The following URGCP variants were observed in gnomAD, a reference collection of about 807,000 sequenced individuals.
URGCP encodes the protein upregulator of cell proliferation, also known as up-regulator of cell proliferation.
A neutral mutation model predicts 24.6 loss-of-function variants in URGCP; 13 were observed. That is an observed-to-expected ratio of 0.53 (90% CI 0.34 to 0.84). The LOEUF is 0.84. URGCP is among the 40% of genes least tolerant of loss of function. The probability of loss-of-function intolerance (pLI) is 0.01; values close to 1 mark genes in which losing one functional copy is unlikely to be tolerated. For synonymous variants in URGCP, 444 were observed against 487.2 expected, an observed-to-expected ratio of 0.91 and a Z score of 1.17; for missense variants, 899 against 1,194.3, an observed-to-expected ratio of 0.75 and a Z score of 3.64.
intron 1 of URGCP, among the ~76,000 whole-genome samples, chr7:43,912,892 C>T (rs2095911491): frequency 6.6e-6 from 1 of 151,896 alleles, no homozygotes; most frequent in Non-Finnish European, 1.5e-5. Context: ...ACTCTGTTGC[C>T]CAGGCTGGAA....
chr7:43,918,884 G>A (rs906494981), intron 1 of URGCP: 1 of 1,407,980 alleles, frequency 7.1e-7, no homozygotes, highest in East Asian at 2.3e-5. Flanking sequence ...ACATCCCCCG[G>A]GCTGTGCTGC....
chr7:43,920,075 G>T, intron 1 of URGCP: 1 of 1,258,230 alleles, frequency 7.9e-7, no homozygotes, highest in South Asian at 1.3e-5. Context: ...CTAGGACAGG[G>T]ACCCTCATCT....
At chr7:43,899,560 T>C (rs1163581579) in intron 1 of URGCP, among the ~76,000 whole-genome samples, 2 of 152,074 alleles carry the variant, frequency 1.3e-5, no homozygotes, top group Non-Finnish European at 2.9e-5. Flanking sequence ...GACAAAACTT[T>C]CCAGAAAATA....
intron 3 of URGCP, among the ~76,000 whole-genome samples, chr7:43,883,362 A>ATATATTTTTT (rs1554289259): frequency 4.5e-5 from 4 of 88,284 alleles, no homozygotes; most frequent in South Asian, 7.2e-4. Context: ...ATATATATAT[A>ATATATTTTTT]TTTTTTTTTT....
chr7:43,926,389 C>A, exon 1 of URGCP: 1 of 579,510 alleles, frequency 1.7e-6, no homozygotes, highest in Non-Finnish European at 2.4e-6. Flanking sequence ...ACGCTCGGCA[C>A]GCGGCGACGA....
intron 3 of URGCP, among the ~76,000 whole-genome samples, chr7:43,884,605 G>A (rs1041986309): frequency 6.6e-6 from 1 of 152,194 alleles, no homozygotes; most frequent in Non-Finnish European, 1.5e-5. Flanking sequence ...AACGCAGGAG[G>A]ATCACTTGAG....
In URGCP at chr7:43,887,438, C is replaced by G. The variant is rs1349276540; in HGVS notation, c.89G>C (p.Arg30Thr). Residue 30 changes from arginine to threonine, a missense_variant, in exon 3 of 6, where the codon AGA (arginine) becomes ACA (threonine). Coordinates refer to ENST00000453200, the MANE Select transcript of URGCP (RefSeq NM_001077663.3). ...EVAPEIKASE[R>T]RTAVAIADLE... ...ACCTGCAATGGCCACAGCTGTTCGT[C>G]TCTCTGATGCTTTTATTTCTGGGGC... The G allele has an allele frequency of 6.2e-7, 1 of 1,613,938 alleles. No homozygotes were observed. Among genetic ancestry groups the G allele is most frequent in the Non-Finnish European group, 8.5e-7 (1 of 1,179,850 alleles).
At chr7:43,915,416 T>C (rs115902113) in intron 1 of URGCP, among the ~76,000 whole-genome samples, 1 of 152,340 alleles carries the variant, frequency 6.6e-6, no homozygotes, top group African/African-American at 2.4e-5. Context: ...ACTGGGAATG[T>C]CAGCCTTGGT....
At chr7:43,904,321 T>C (rs1356696177) in intron 1 of URGCP, among the ~76,000 whole-genome samples, 2 of 152,238 alleles carry the variant, frequency 1.3e-5, no homozygotes, top group Admixed American at 6.5e-5. Flanking sequence ...ATGCCTGGCA[T>C]ATTCATAAGG....
At chr7:43,882,429 G>A (rs999149888) in intron 3 of URGCP, among the ~76,000 whole-genome samples, 4 of 152,106 alleles carry the variant, frequency 2.6e-5, no homozygotes, top group Admixed American at 1.3e-4. Flanking sequence ...CAGCCTGGGC[G>A]ACAGAGTGAG....
rs200196077 is a variant in URGCP, at chr7:43,878,965, G to C, written c.498C>G (p.Ala166=). Residue 166 remains alanine (A), a synonymous_variant, in exon 6 of 6, where the codon GCC becomes GCG. Transcript: ENST00000453200. This position sits in a 1 kb window ranked among gnomAD's most constrained non-coding sequence, Gnocchi z 5.6. ...IYWDPADDLA[A]DIYSFSELPT... ...GCAGCTCAGAAAAGGAATAAATGTC[G>C]GCAGCAAGGTCATCAGCTGGGTCCC... 5.0e-6 allele frequency: 8 copies of C among 1,614,062 alleles called. No homozygotes were observed. In the African/African-American group the frequency reaches 1.1e-4, roughly 22 times the overall value.
At chr7:43,886,417 C>CA (rs2095862232) in intron 3 of URGCP, among the ~76,000 whole-genome samples, 1 of 151,874 alleles carries the variant, frequency 6.6e-6, no homozygotes, top group Non-Finnish European at 1.5e-5. Context: ...TTTTTTAGCA[C>CA]ATTCATTTTA....
chr7:43,876,350 G>A lies in URGCP; in HGVS notation c.*317C>T. 2 of 312,794 alleles carry A rather than the reference G, an allele frequency of 6.4e-6. No individual in the cohort carries two copies. The highest frequency in any genetic ancestry group is 2.1e-5 in the African/African-American group (1 of 46,804). 19.4% of individuals were successfully genotyped at this position (312,794 alleles called of 1,614,324 possible). ...CTAAGGACGCTGCTCCCACTCCAGG[G>A]GCCAGTGACAGAGAGCAGCTATACA... On this transcript the variant is annotated 3_prime_UTR_variant, in exon 6 of 6. Coordinates refer to ENST00000453200, the MANE Select transcript of URGCP (RefSeq NM_001077663.3).
At chr7:43,901,358 G>A (rs768336838) in intron 1 of URGCP, among the ~76,000 whole-genome samples, 12 of 152,184 alleles carry the variant, frequency 7.9e-5, no homozygotes, top group Admixed American at 2.6e-4. Flanking sequence ...CCATGGGCAG[G>A]TGAGTGAAGT....
At chr7:43,879,815 C>G (rs1002568104) in intron 5 of URGCP, 3 of 152,308 alleles carry the variant, frequency 2.0e-5, no homozygotes, top group Non-Finnish European at 2.9e-5. Flanking sequence ...TTTAAAGGAA[C>G]TAGAAAGAAA....
chr7:43,887,583 A>C, intron 2 of URGCP, 98 bp from the exon 3 acceptor site: 1 of 1,521,062 alleles, frequency 6.6e-7, no homozygotes, highest in South Asian at 1.3e-5. Context: ...GAGCTTTTAA[A>C]AACTATAAAC....
In URGCP at chr7:43,876,594, C is replaced by T. The variant is rs2095844738; in HGVS notation, c.*73G>A. ...CCATTCTCAGGCACCAGAGCACAGC[C>T]CCACACGGGTGCCCCATCAGACAGG... On this transcript the variant is annotated 3_prime_UTR_variant, in exon 6 of 6. Transcript: ENST00000453200. 7 of 1,512,648 alleles carry T rather than the reference C, an allele frequency of 4.6e-6. No individual in the cohort carries two copies. Among genetic ancestry groups the T allele is most frequent in the Non-Finnish European group, 6.3e-6 (7 of 1,113,536 alleles). The allele number at this position is 1,512,648 out of a possible 1,614,324, so 93.7% of individuals were successfully genotyped here. A position where few individuals can be genotyped will look rare whatever the true frequency, so the allele number is the denominator to read the frequency against.
At chr7:43,887,759 G>A in intron 2 of URGCP, 31 bp downstream of exon 2, 14 of 1,548,524 alleles carry the variant, frequency 9.0e-6, no homozygotes, top group Non-Finnish European at 1.2e-5. Context: ...CACAAATACA[G>A]TCATTCAGAA....
At chr7:43,918,021 C>A (rs1447299726) in intron 1 of URGCP, among the ~76,000 whole-genome samples, 1 of 152,056 alleles carries the variant, frequency 6.6e-6, no homozygotes, top group African/African-American at 2.4e-5. Flanking sequence ...CGCCTGTAAT[C>A]CCAGCACTTT....
Sources: gnomAD v4.1 joint callset for allele counts (sites outside exome capture counted in the v4.1 genomes callset) on GRCh38, gnomAD v4.1.1 for gene constraint, Gnocchi (gnomAD v3.1) non-coding constraint, MANE v1.5 for transcripts, NCBI Gene and HGNC (gene_info 2026-07-23, HGNC 2026-07-21) for gene names.